P4HA2: variants seen among roughly 807,000 people sequenced by gnomAD.
P4HA2 encodes prolyl 4-hydroxylase subunit alpha-2.
Under a neutral mutation model 76.9 loss-of-function variants are expected in P4HA2, and 46 were observed. The ratio of observed to expected loss-of-function variants is 0.60; its 90% CI spans 0.47 to 0.76. The LOEUF (loss-of-function observed/expected upper bound fraction) is 0.76. P4HA2 is among the 30% of genes least tolerant of loss of function. The pLI, the probability that P4HA2 is intolerant of heterozygous loss-of-function variation, is 0.00. For synonymous variants in P4HA2, 243 were observed against 254.0 expected, an observed-to-expected ratio of 0.96 and a Z score of 0.41; for missense variants, 583 against 669.4, an observed-to-expected ratio of 0.87 and a Z score of 1.42.
chr5:132,204,222 A>T, intron 8 of P4HA2, 70 bp from the exon 9 acceptor site: 9 of 1,245,796 alleles, frequency 7.2e-6, no homozygotes, highest in Non-Finnish European at 9.5e-6. Flanking sequence ...ATTTTCCCAG[A>T]GAGCACTGGG....
At chr5:132,203,952 G>A in intron 9 of P4HA2, 105 bp from the exon 10 acceptor site, 1 of 1,136,008 alleles carries the variant, frequency 8.8e-7, no homozygotes, top group Non-Finnish European at 1.3e-6. Flanking sequence ...AGGCAGTACA[G>A]GATGCCTGCT....
Position 132,204,248 on chromosome 5 carries a change from A to C in P4HA2, c.1081-96T>G, listed in dbSNP as rs1751900976. On this transcript the variant is annotated intron_variant, in intron 8 of 14. Coordinates refer to ENST00000360568, the MANE Select transcript of P4HA2 (RefSeq NM_001017974.2). ...GAGCACTGGGACCAGATTTACTGCC[A>C]TGCTAGTGGAGGAAGCTTTGCAGCC... is the stretch of plus-strand genomic sequence containing the variant. 2.0e-5 allele frequency: 19 copies of C among 965,088 alleles called. No homozygotes were observed. The South Asian group carries it at 2.3e-4, about 12-fold the overall frequency. The allele number at this position is 965,088 out of a possible 1,614,324, so 59.8% of individuals were successfully genotyped here.
chr5:132,203,681 C>T, intron 10 of P4HA2, 67 bp downstream of exon 10: 3 of 935,102 alleles, frequency 3.2e-6, no homozygotes, highest in Non-Finnish European at 5.0e-6. Context: ...GTTCTGGACA[C>T]CCTGTGAGAC....
rs1437362977 is a variant in P4HA2 at position 132,198,859 on chromosome 5, A to G, written c.1305+20T>C. 3.3e-5 allele frequency: 53 copies of G among 1,583,612 alleles called. 1 individual carries two copies. The highest frequency in any genetic ancestry group is 1.7e-4 in the Middle Eastern group (1 of 6,032). Reference sequence around the variant, plus strand: ...AGCTAGAGCAGGGCCCTTTGAAAGCACCTGTGATTTAGGCCTTACCCTAGA... The same window carrying G: ...AGCTAGAGCAGGGCCCTTTGAAAGCGCCTGTGATTTAGGCCTTACCCTAGA... On this transcript the variant is annotated intron_variant, in intron 11 of 14. Transcript: ENST00000360568.
Position 132,210,527 on chromosome 5 carries a change from C to T in P4HA2, c.470-4G>A, listed in dbSNP as rs370147850. On this transcript the variant is annotated splice_region_variant and splice_polypyrimidine_tract_variant and intron_variant, in intron 5 of 14. Coordinates refer to ENST00000360568, the MANE Select transcript of P4HA2 (RefSeq NM_001017974.2). ...AGCATTGCCTGGTACTTGGTTCCTA[C>T]AGCAGGGGAAGTAAATTGTCAGGCT... 4 of 1,613,908 alleles carry T rather than the reference C, an allele frequency of 2.5e-6. No homozygotes were observed. The South Asian group carries it at 3.3e-5, about 13-fold the overall frequency.
rs1019518958 is a variant in P4HA2, at chr5:132,217,986, T to C, written c.83-138A>G. ...TCAGCTCTCTGAGGATTATGGGGACTTGGAGTTAAAGGGGGCCTAGGCACT... is the reference window on the plus strand; with the variant it reads ...TCAGCTCTCTGAGGATTATGGGGACCTGGAGTTAAAGGGGGCCTAGGCACT... On this transcript the variant is annotated intron_variant, in intron 2 of 14. Transcript: ENST00000360568. 10 of 585,940 alleles carry C rather than the reference T, an allele frequency of 1.7e-5. No individual in the cohort carries two copies. In the African/African-American group the frequency reaches 1.9e-4, roughly 11 times the overall value. The allele number at this position is 585,940 out of a possible 1,614,324, so 36.3% of individuals were successfully genotyped here. A position where few individuals can be genotyped will look rare whatever the true frequency, so the allele number is the denominator to read the frequency against.
intron 14 of P4HA2, chr5:132,193,375 T>A: frequency 4.9e-6 from 1 of 204,098 alleles, no homozygotes. Context: ...GCCCTTTGGC[T>A]CTATTCCCAT....
chr5:132,217,075 T>G, intron 4 of P4HA2, 122 bp downstream of exon 4: 1 of 846,858 alleles, frequency 1.2e-6, no homozygotes, highest in East Asian at 2.6e-5. Context: ...ACCAGCAGGG[T>G]CCTGTTTCCA....
intron 9 of P4HA2, 68 bp downstream of exon 9, chr5:132,204,014 C>G: frequency 2.9e-6 from 4 of 1,357,766 alleles, no homozygotes; most frequent in Non-Finnish European, 4.2e-6. Flanking sequence ...CCACCCATCC[C>G]TAGGGTAGGC....
chr5:132,220,105 GAGC>G (rs1435333380), intron 1 of P4HA2, among the ~76,000 whole-genome samples: 3 of 152,360 alleles, frequency 2.0e-5, no homozygotes, highest in Middle Eastern at 3.4e-3. Flanking sequence ...TAGGGAGTTA[GAGC>G]AGCAGAAGAG....
At chr5:132,214,371 C>G (rs921263080) in intron 4 of P4HA2, among the ~76,000 whole-genome samples, 6 of 152,076 alleles carry the variant, frequency 3.9e-5, no homozygotes, top group Non-Finnish European at 8.8e-5. Context: ...CTGGTGGAGA[C>G]AGAAGAAACA....
intron 1 of P4HA2, among the ~76,000 whole-genome samples, chr5:132,222,311 C>T (rs1182886486): frequency 6.6e-6 from 1 of 152,172 alleles, no homozygotes. Context: ...CTCCAGGAGA[C>T]CCTGCCACCA....
intron 1 of P4HA2, among the ~76,000 whole-genome samples, chr5:132,222,953 A>C (rs1009081794): frequency 6.6e-6 from 1 of 152,162 alleles, no homozygotes; most frequent in African/African-American, 2.4e-5. Context: ...TAACCCACAA[A>C]AGGGAACTAC....
intron 13 of P4HA2, 191 bp downstream of exon 13, chr5:132,195,221 C>T: frequency 4.7e-6 from 3 of 638,466 alleles, no homozygotes; most frequent in Non-Finnish European, 8.4e-6. Flanking sequence ...TGGGAACTCA[C>T]CCGCCCCTGA....
In P4HA2 at chr5:132,193,047, T is replaced by C. The variant is rs201480050; in HGVS notation, c.1565A>G (p.Glu522Gly). Reference sequence around the variant, plus strand: ...TGTTGATCCACAAGGTCTCAAGAACTCCTGTCCTCGTTCATGGAACCACTT... The same window carrying C: ...TGTTGATCCACAAGGTCTCAAGAACCCCTGTCCTCGTTCATGGAACCACTT... The part of the protein sequence containing the change: ...SNKWFHERGQ[E>G]FLRPCGSTEV... Residue 522 changes from glutamate to glycine, a missense_variant, in exon 15 of 15, where the codon GAG becomes GGG. Coordinates refer to ENST00000360568, the MANE Select transcript of P4HA2 (RefSeq NM_001017974.2). The C allele has an allele frequency of 6.2e-7, 1 of 1,613,126 alleles. No individual in the cohort carries two copies. The highest frequency in any genetic ancestry group is 8.5e-7 in the Non-Finnish European group (1 of 1,179,088).
chr5:132,219,048 C>T (rs1214992273), intron 1 of P4HA2, among the ~76,000 whole-genome samples: 1 of 152,208 alleles, frequency 6.6e-6, no homozygotes, highest in African/African-American at 2.4e-5. Flanking sequence ...TATGCCAGGA[C>T]AGTGCCAGGT....
At chr5:132,206,693 C>T (rs1752253791) in intron 8 of P4HA2, among the ~76,000 whole-genome samples, 1 of 152,078 alleles carries the variant, frequency 6.6e-6, no homozygotes, top group Non-Finnish European at 1.5e-5. Flanking sequence ...GCATTCTTAG[C>T]AGTAAAATAC....
chr5:132,216,060 G>T (rs1219487470), intron 4 of P4HA2, among the ~76,000 whole-genome samples: 1 of 150,738 alleles, frequency 6.6e-6, no homozygotes, highest in Non-Finnish European at 1.5e-5. Context: ...AGCTAGTCAG[G>T]AGGCTGAGGC....
chr5:132,193,150 A>C (rs955159095), intron 14 of P4HA2, 70 bp from the exon 15 acceptor site: 1 of 1,012,224 alleles, frequency 9.9e-7, no homozygotes, highest in African/African-American at 1.6e-5. Flanking sequence ...TGACTCCTTC[A>C]TGATGACCCC....
Sources: gnomAD v4.1 joint callset for allele counts (sites outside exome capture counted in the v4.1 genomes callset) on GRCh38, gnomAD v4.1.1 for gene constraint, MANE v1.5 for transcripts, NCBI Gene and HGNC (gene_info 2026-07-23, HGNC 2026-07-21) for gene names.